TTN: variants seen among roughly 807,000 people sequenced by gnomAD.
TTN encodes the protein connectin.
A neutral mutation model predicts 3,223.0 loss-of-function variants in TTN; 1,525 were observed. That is an observed-to-expected ratio of 0.47 (90% CI 0.45 to 0.49). TTN has a LOEUF of 0.49. TTN is among the 20% of genes least tolerant of loss of function. The pLI is 0.00. For missense variants in TTN, 40,786 were observed against 43,424.0 expected (o/e 0.94, Z 5.40); for synonymous variants, 14,094 against 15,161.0 (o/e 0.93, Z 5.17).
At chr2:178,798,597 C>T (rs1000799638) in intron 6 of TTN, 1 of 151,980 alleles carries the variant, frequency 6.6e-6, no homozygotes, top group Admixed American at 6.6e-5. Flanking sequence ...TCATTGAAGC[C>T]CCAAAATGCA....
chr2:178,607,873 A>G lies in TTN; in HGVS notation c.52914T>C (p.Ala17638=). The change falls in exon 276 of 363, where the codon GCT becomes GCC. Residue 17638 remains alanine, a synonymous_variant. Coordinates refer to ENST00000589042, the MANE Select transcript of TTN (RefSeq NM_001267550.2). ...CAGCACTCACCCGAAGTTTGTAATCAGCACCCTCTCGGATTTCTTTGACGG... is the reference window on the plus strand; with the variant it reads ...CAGCACTCACCCGAAGTTTGTAATCGGCACCCTCTCGGATTTCTTTGACGG... The part of the protein sequence containing the change: ...QYTVKEIREG[A]DYKLRVSAVN... The G allele has an allele frequency of 1.2e-6, 2 of 1,613,026 alleles. No individual in the cohort carries two copies. The highest frequency in any genetic ancestry group is 1.3e-5 in the African/African-American group (1 of 74,968).
At position 178,741,659 on chromosome 2, in the gene TTN, C is replaced by T. The variant is rs2082506498; in HGVS notation, c.11574G>A (p.Val3858=). 8 of 1,613,684 alleles carry T rather than the reference C, an allele frequency of 5.0e-6. No homozygotes were observed. In the East Asian group the frequency reaches 1.6e-4, roughly 31 times the overall value. The change falls in exon 48 of 363, where the codon GTG becomes GTA. Residue 3858 remains valine, a synonymous_variant. Transcript: ENST00000589042. ...TGTAGTCAGCAGAAGGGGTTAATAG[C>T]ACTCCATTAAAGAACCACTGAATTT... ...KPKIQWFFNG[V]LLTPSADYKF...
At position 178,629,316 on chromosome 2, in the gene TTN, T is replaced by C; in HGVS notation, c.44409A>G (p.Leu14803=). 6.2e-7 allele frequency: 1 copy of C among 1,612,684 alleles called. No individual in the cohort carries two copies. The highest frequency in any genetic ancestry group is 8.5e-7 in the Non-Finnish European group (1 of 1,179,186). The change falls in exon 240 of 363, where the codon CTA becomes CTG. Residue 14803 remains leucine, a synonymous_variant. Transcript: ENST00000589042. ...TGCTTTTTACCTTATCGCTGGGCTC[T>C]AGTTTCTTCCCTTTGAGATACCATT... is the stretch of plus-strand genomic sequence containing the variant. The part of the protein sequence containing the change: ...PVEWYLKGKK[L]EPSDKVVPRS...
At position 178,579,003 on chromosome 2, in the gene TTN, A is replaced by T; in HGVS notation, c.68027T>A (p.Ile22676Asn). 1 of 1,613,112 alleles carries T rather than the reference A, an allele frequency of 6.2e-7. No individual in the cohort carries two copies. The highest frequency in any genetic ancestry group is 8.5e-7 in the Non-Finnish European group (1 of 1,179,472). The change falls in exon 320 of 363, where the codon ATC (isoleucine) becomes AAC (asparagine). Residue 22676 changes from isoleucine to asparagine, a missense_variant. Physicochemically the swap from Ile to Asn is moderately radical, Grantham distance 149 (BLOSUM62 -3). Transcript: ENST00000589042. ...CCTCTTCTCTAGGATATAGTTGGTGATTTCAGAACCTCCATCATCCTTTGG... is the reference window on the plus strand; with the variant it reads ...CCTCTTCTCTAGGATATAGTTGGTGTTTTCAGAACCTCCATCATCCTTTGG... ...APPKDDGGSEITNYILEKRDS... is the reference protein window; with the variant it reads ...APPKDDGGSENTNYILEKRDS...
At position 178,532,411 on chromosome 2, in the gene TTN, G is replaced by T; in HGVS notation, c.104204C>A (p.Thr34735Lys). 18 of 1,613,966 alleles carry T rather than the reference G, an allele frequency of 1.1e-5. No homozygotes were observed. The highest frequency in any genetic ancestry group is 1.4e-5 in the Non-Finnish European group (17 of 1,179,860). Residue 34735 changes from threonine (T) to lysine (K), a missense_variant, in exon 358 of 363, where the codon ACG (threonine) becomes AAG (lysine). Physicochemically the swap from Thr to Lys is moderately conservative, Grantham distance 78. Coordinates refer to ENST00000589042, the MANE Select transcript of TTN (RefSeq NM_001267550.2). ...DFRYSTYHIP[T>K]KAEASTSYAE... The stretch of plus-strand genomic sequence containing the variant: ...ATAACTTGTACTAGCTTCAGCCTTC[G>T]TTGGGATGTGATAGGTTGAATACCT...
At position 178,704,563 on chromosome 2, in the gene TTN, T is replaced by C. The variant is rs2075551861; in HGVS notation, c.29909A>G (p.Asn9970Ser). Residue 9970 changes from asparagine (N) to serine (S), a missense_variant, in exon 105 of 363, where the codon AAT (asparagine) becomes AGT (serine). Transcript: ENST00000589042. ...GTGTGGACCACAAACCAATCGATAA[T>C]TGCCCTGGTCTTTAAGTTGACAGTT... ...VKNCQLKDQG[N>S]YRLVCGPHIA... 2 of 1,613,506 alleles carry C rather than the reference T, an allele frequency of 1.2e-6. No homozygotes were observed. Among genetic ancestry groups the C allele is most frequent in the Middle Eastern group, 1.6e-4 (1 of 6,084 alleles).
At chr2:178,716,123 G>A (rs1431219205) in intron 88 of TTN, among the ~76,000 whole-genome samples, 2 of 152,170 alleles carry the variant, frequency 1.3e-5, no homozygotes, top group African/African-American at 2.4e-5. Flanking sequence ...CACGGGGAAT[G>A]AGAATTTGAT....
chr2:178,602,570 A>G lies in TTN; in HGVS notation c.54832T>C (p.Cys18278Arg), dbSNP rs2053721931. 1 of 1,546,854 alleles carries G rather than the reference A, an allele frequency of 6.5e-7. No individual in the cohort carries two copies. Among genetic ancestry groups the G allele is most frequent in the East Asian group, 2.3e-5 (1 of 42,748 alleles). Residue 18278 changes from cysteine to arginine, a missense_variant, in exon 283 of 363, where the codon TGC becomes CGC. Cys to Arg is a radical substitution (Grantham distance 180). Coordinates refer to ENST00000589042, the MANE Select transcript of TTN (RefSeq NM_001267550.2). ...DPIFPPGPPS[C>R]PEVKDKTKSS... is the part of the protein sequence containing the mutation. Reference sequence around the variant, plus strand: ...TTCGTTTTATCTTTAACTTCTGGGCAAGAAGGTGGCCCCGGTGGAACTAAT... The same window carrying G: ...TTCGTTTTATCTTTAACTTCTGGGCGAGAAGGTGGCCCCGGTGGAACTAAT...
rs1299201088 is a variant in TTN, at chr2:178,630,274, T to G, written c.44248A>C (p.Asn14750His). 1.2e-6 allele frequency: 2 copies of G among 1,613,110 alleles called. No homozygotes were observed. The highest frequency in any genetic ancestry group is 2.7e-5 in the African/African-American group (2 of 74,884). Residue 14750 changes from asparagine (N) to histidine (H), a missense_variant, in exon 239 of 363, where the codon AAT (asparagine) becomes CAT (histidine). Transcript: ENST00000589042. Reference protein sequence around the residue: ...QTGGVDFQAANVKSSAHLRVK... With the variant: ...QTGGVDFQAAHVKSSAHLRVK... Reference sequence around the variant, plus strand: ...CGGAGGTGGGCACTAGATTTAACATTGGCAGCTTGGAAATCCACCCCACCC... The same window carrying G: ...CGGAGGTGGGCACTAGATTTAACATGGGCAGCTTGGAAATCCACCCCACCC...
chr2:178,763,852 GTATTT>G (rs1291602534), intron 43 of TTN, among the ~76,000 whole-genome samples: 2 of 152,052 alleles, frequency 1.3e-5, no homozygotes, highest in African/African-American at 4.8e-5. Context: ...TTTTGTCATT[GTATTT>G]TATCAATGAA....
chr2:178,679,495 A>G, intron 141 of TTN, 79 bp from the exon 142 acceptor site: 1 of 1,587,296 alleles, frequency 6.3e-7, no homozygotes, highest in Non-Finnish European at 8.6e-7. Context: ...ATGTTTTTTA[A>G]CAACGGACAG....
intron 75 of TTN, 33 bp from the exon 76 acceptor site, chr2:178,722,970 A>T (rs1360740038): frequency 6.3e-7 from 1 of 1,596,512 alleles, no homozygotes; most frequent in African/African-American, 1.4e-5. Flanking sequence ...TAGCAACTGG[A>T]ATTAATGAAT....
At position 178,661,806 on chromosome 2, in the gene TTN, T is replaced by G; in HGVS notation, c.37238A>C (p.Lys12413Thr). 1 of 1,608,686 alleles carries G rather than the reference T, an allele frequency of 6.2e-7. No individual in the cohort carries two copies. The highest frequency in any genetic ancestry group is 8.5e-7 in the Non-Finnish European group (1 of 1,178,752). ...EAPKEVVLEK[K>T]VPSAPPKKPE... is the part of the protein sequence containing the mutation. ...CTTTTTAGGAGGAGCCGAGGGCACT[T>G]TCTTTTCAAGGACAACTTCTTTGGG... Residue 12413 changes from lysine to threonine, a missense_variant, in exon 180 of 363, where the codon AAA (lysine) becomes ACA (threonine). Physicochemically the swap from Lys to Thr is moderately conservative, Grantham distance 78. Coordinates refer to ENST00000589042, the MANE Select transcript of TTN (RefSeq NM_001267550.2).
chr2:178,795,202 C>G lies in TTN; in HGVS notation c.965G>C (p.Arg322Thr), dbSNP rs144557211. 19 of 1,614,018 alleles carry G rather than the reference C, an allele frequency of 1.2e-5. No homozygotes were observed. The African/African-American group carries it at 1.3e-4, about 11-fold the overall frequency. ...RISTSPIRSV[R>T]SPLLMRKTQA... ...AGTCTTACGCATGAGCAATGGAGAC[C>G]TAACAGACCTGATGGGGGATGTGGA... is the stretch of plus-strand genomic sequence containing the variant. The change falls in exon 7 of 363, where the codon AGG becomes ACG. Residue 322 changes from arginine (R) to threonine (T), a missense_variant. Physicochemically the swap from Arg to Thr is moderately conservative, Grantham distance 71. Transcript: ENST00000589042.
At position 178,551,126 on chromosome 2, in the gene TTN, C is replaced by T; in HGVS notation, c.91405G>A (p.Val30469Met). The change falls in exon 336 of 363, where the codon GTG becomes ATG. Residue 30469 changes from valine to methionine, a missense_variant. Coordinates refer to ENST00000589042, the MANE Select transcript of TTN (RefSeq NM_001267550.2). ...CTGACGTCAGTAAAGTTGCATCTCA[C>T]CCAGCGTTCATTTCCTTGCCGTTTC... ...IEKRQGNERW[V>M]RCNFTDVSEC... 2 of 1,613,538 alleles carry T rather than the reference C, an allele frequency of 1.2e-6. No homozygotes were observed. The highest frequency in any genetic ancestry group is 1.1e-5 in the South Asian group (1 of 91,064).
chr2:178,639,157 C>T (rs1005094389), intron 223 of TTN, among the ~76,000 whole-genome samples: 5 of 151,546 alleles, frequency 3.3e-5, no homozygotes, highest in African/African-American at 1.2e-4. Flanking sequence ...CTTTTTCTTT[C>T]TTATTGTGGT....
chr2:178,771,367 T>G lies in TTN; in HGVS notation c.7960A>C (p.Arg2654=). Residue 2654 remains arginine, a synonymous_variant, in exon 34 of 363, where the codon AGG becomes CGG. Coordinates refer to ENST00000589042, the MANE Select transcript of TTN (RefSeq NM_001267550.2). ...GTCAGTGGTAGGTGTTTGCCATCCC[T>G]CAACCATTCGCCTTTGGAATCTGGG... ...ANPDSKGEWL[R]DGKHLPLTNN... is the part of the protein sequence containing the mutation. 1 of 1,614,086 alleles carries G rather than the reference T, an allele frequency of 6.2e-7. No individual in the cohort carries two copies. The highest frequency in any genetic ancestry group is 8.5e-7 in the Non-Finnish European group (1 of 1,179,988).
intron 11 of TTN, 114 bp from the exon 12 acceptor site, chr2:178,790,229 T>A: frequency 9.2e-7 from 1 of 1,084,334 alleles, no homozygotes; most frequent in Non-Finnish European, 1.3e-6. Flanking sequence ...AAGGAAATTT[T>A]AATTGCACTA....
At position 178,795,225 on chromosome 2, in the gene TTN, G is replaced by T; in HGVS notation, c.942C>A (p.Ser314=). Residue 314 remains serine, a synonymous_variant, in exon 7 of 363, where the codon TCC becomes TCA. Transcript: ENST00000589042. The stretch of plus-strand genomic sequence containing the variant: ...ACCTAACAGACCTGATGGGGGATGT[G>T]GAGATTCTTGCTGCTGGAGACACGG... ...VRSVSPAARI[S]TSPIRSVRSP... 1 of 1,614,152 alleles carries T rather than the reference G, an allele frequency of 6.2e-7. No homozygotes were observed. Among genetic ancestry groups the T allele is most frequent in the Non-Finnish European group, 8.5e-7 (1 of 1,180,014 alleles).
Sources: allele counts gnomAD v4.1 joint callset (sites outside exome capture counted in the v4.1 genomes callset), GRCh38; gene constraint gnomAD v4.1.1; transcripts MANE v1.5; gene names NCBI Gene and HGNC (gene_info 2026-07-23, HGNC 2026-07-21).